RBFOX1: variants seen among roughly 807,000 people sequenced by gnomAD.
RBFOX1 encodes the protein RNA binding protein fox-1 homolog 1.
Under a neutral mutation model 57.7 loss-of-function variants are expected in RBFOX1, and 8 were observed. The observed-to-expected ratio is 0.14, with a 90% confidence interval of 0.08 to 0.25. The LOEUF (loss-of-function observed/expected upper bound fraction) is 0.25. RBFOX1 is among the 10% of genes least tolerant of loss of function. RBFOX1 has a pLI of 1.00. For synonymous variants in RBFOX1, 326 were observed against 222.4 expected, an observed-to-expected ratio of 1.47 and a Z score of -4.15; for missense variants, 611 against 548.5, an observed-to-expected ratio of 1.11 and a Z score of -1.14.
At chr16:5,619,469 C>T (rs146057140) in intron 3 of RBFOX1, among the ~76,000 whole-genome samples, 19 of 152,118 alleles carry the variant, frequency 1.2e-4, no homozygotes, top group Admixed American at 2.0e-4. Context: ...GCCCCAACCC[C>T]GAGACTTCAC....
At chr16:5,816,269 A>T (rs1336086893) in intron 3 of RBFOX1, among the ~76,000 whole-genome samples, 1 of 152,068 alleles carries the variant, frequency 6.6e-6, no homozygotes, top group Non-Finnish European at 1.5e-5. Flanking sequence ...TATTCCTTCA[A>T]GCTCTCTTCC....
chr16:6,674,740 AG>A (rs1350585184), intron 3 of RBFOX1, among the ~76,000 whole-genome samples: 2 of 152,164 alleles, frequency 1.3e-5, no homozygotes, highest in Admixed American at 1.3e-4. Flanking sequence ...AAGGAGCACG[AG>A]GGGTGCTGGC....
At chr16:6,478,413 ATATATATATATATATATTTTTT>A (rs1267408293) in intron 2 of RBFOX1, among the ~76,000 whole-genome samples, 17 of 21,906 alleles carry the variant, frequency 7.8e-4, no homozygotes, top group East Asian at 4.3e-3. Context: ...ATATATATAT[ATATATATATATATATATTTTTT>A]TTTTTTTTTT....
chr16:6,320,775 A>C (rs1405290589), intron 2 of RBFOX1, among the ~76,000 whole-genome samples: 2 of 72,596 alleles, frequency 2.8e-5, no homozygotes, highest in Non-Finnish European at 7.8e-5. Context: ...ACTGTTATTA[A>C]AAAAAAATTT....
At chr16:6,607,677 C>G (rs966531016) in intron 2 of RBFOX1, among the ~76,000 whole-genome samples, 1 of 151,948 alleles carries the variant, frequency 6.6e-6, no homozygotes, top group African/African-American at 2.4e-5. Context: ...TGTATTATGT[C>G]TGCCTATGTG....
At chr16:5,508,688 G>C (rs1438883429) in intron 2 of RBFOX1, among the ~76,000 whole-genome samples, 3 of 152,144 alleles carry the variant, frequency 2.0e-5, no homozygotes, top group Non-Finnish European at 4.4e-5. Context: ...GGACTGCACA[G>C]AGCGATTGCA....
chr16:6,969,396 A>G (rs976415761), intron 3 of RBFOX1, among the ~76,000 whole-genome samples: 13 of 150,264 alleles, frequency 8.7e-5, no homozygotes, highest in South Asian at 4.1e-4. Flanking sequence ...TTTGTTCATG[A>G]TGCATATTTC....
chr16:5,579,135 A>C (rs543916263), intron 2 of RBFOX1, among the ~76,000 whole-genome samples: 2 of 152,222 alleles, frequency 1.3e-5, no homozygotes, highest in African/African-American at 4.8e-5. Flanking sequence ...GGCATGAGCC[A>C]CCACGCCTGG....
chr16:7,073,873 A>T (rs2057819694), intron 4 of RBFOX1, among the ~76,000 whole-genome samples: 1 of 151,014 alleles, frequency 6.6e-6, no homozygotes, highest in South Asian at 2.1e-4. Flanking sequence ...ATAACAAATA[A>T]ATAAATACTA....
At chr16:6,703,579 G>T (rs532206777) in intron 3 of RBFOX1, among the ~76,000 whole-genome samples, 10 of 152,028 alleles carry the variant, frequency 6.6e-5, no homozygotes, top group African/African-American at 2.4e-4. Flanking sequence ...GTGTGGTGTT[G>T]CACACCTGTA....
chr16:6,030,049 C>G (rs568806712), intron 1 of RBFOX1, among the ~76,000 whole-genome samples: 50 of 152,168 alleles, frequency 3.3e-4, no homozygotes, highest in Middle Eastern at 3.4e-3. Context: ...TAGCCAGGAC[C>G]ACAGGCATGT....
At chr16:7,694,209 C>T (rs996811969) in intron 14 of RBFOX1, among the ~76,000 whole-genome samples, 7 of 152,092 alleles carry the variant, frequency 4.6e-5, no homozygotes, top group Non-Finnish European at 7.3e-5. Flanking sequence ...TTTCAGCCTG[C>T]GAGGGAGGAC....
chr16:6,065,068 C>G lies in RBFOX1; in HGVS notation c.-127+45076C>G, dbSNP rs370239678. ...CTTGAGACAGGGTCTTGTTCTGTCA[C>G]CCAGGCTAGAGTATAATGGTGTGAT... On this transcript the variant is annotated intron_variant, in intron 1 of 15. Coordinates refer to ENST00000550418, the MANE Select transcript of RBFOX1 (RefSeq NM_018723.4). Among the ~76,000 whole-genome samples, 12 of 151,316 alleles carry G rather than the reference C, an allele frequency of 7.9e-5. No individual in the cohort carries two copies. The East Asian group carries it at 1.9e-3, about 25-fold the overall frequency.
chr16:6,833,530 C>G (rs1191676168), intron 3 of RBFOX1, among the ~76,000 whole-genome samples: 5 of 152,152 alleles, frequency 3.3e-5, no homozygotes, highest in Non-Finnish European at 7.4e-5. Context: ...GACTGGAATG[C>G]CAGCCTGGCC....
intron 3 of RBFOX1, among the ~76,000 whole-genome samples, chr16:5,858,425 A>G (rs773463169): frequency 6.6e-5 from 10 of 152,128 alleles, no homozygotes; most frequent in Non-Finnish European, 1.3e-4. Context: ...ACCTTCCTTA[A>G]TAGACCAACT....
chr16:5,804,887 G>A (rs956395283), intron 3 of RBFOX1, among the ~76,000 whole-genome samples: 2 of 152,166 alleles, frequency 1.3e-5, no homozygotes, highest in Non-Finnish European at 2.9e-5. Context: ...TGGATATGTG[G>A]GGAATTGACG....
intron 4 of RBFOX1, among the ~76,000 whole-genome samples, chr16:7,228,129 A>T (rs569437891): frequency 1.3e-5 from 2 of 152,220 alleles, no homozygotes; most frequent in South Asian, 2.1e-4. Context: ...GGTGGCAAAG[A>T]TGAGAGTATC....
chr16:5,977,531 G>A (rs2060089582), intron 4 of RBFOX1, among the ~76,000 whole-genome samples: 1 of 152,156 alleles, frequency 6.6e-6, no homozygotes, highest in African/African-American at 2.4e-5. Context: ...CGATGCTTCG[G>A]TTTCCATGGA....
At chr16:6,921,337 C>A (rs1049241993) in intron 3 of RBFOX1, among the ~76,000 whole-genome samples, 1 of 152,146 alleles carries the variant, frequency 6.6e-6, no homozygotes, top group Non-Finnish European at 1.5e-5. Flanking sequence ...GTGAACCTGT[C>A]AGGTGGGTTG....
Sources: gnomAD v4.1 joint callset for allele counts (sites outside exome capture counted in the v4.1 genomes callset) on GRCh38, gnomAD v4.1.1 for gene constraint, MANE v1.5 for transcripts, NCBI Gene and HGNC (gene_info 2026-07-23, HGNC 2026-07-21) for gene names.